PCDHGA1: variants seen among roughly 807,000 people sequenced by gnomAD.
PCDHGA1 encodes protocadherin gamma subfamily A, 1.
A neutral mutation model predicts 58.0 loss-of-function variants in PCDHGA1; 32 were observed. That is an observed-to-expected ratio of 0.55 (90% CI 0.42 to 0.74). PCDHGA1 has a LOEUF of 0.74. PCDHGA1 is among the 30% of genes least tolerant of loss of function. The pLI is 0.00. For missense variants in PCDHGA1, 1,205 were observed against 1,182.3 expected, an observed-to-expected ratio of 1.02 and a Z score of -0.28; for synonymous variants, 498 against 501.1, an observed-to-expected ratio of 0.99 and a Z score of 0.08.
chr5:141,415,968 C>T (rs1382830747), intron 1 of PCDHGA1: 2 of 390,600 alleles, frequency 5.1e-6, no homozygotes, highest in African/African-American at 2.1e-5. Context: ...ACTCCAGCCC[C>T]TTAAGCAACC....
At position 141,485,413 on chromosome 5, in the gene PCDHGA1, C is replaced by T; in HGVS notation, c.2422-9394C>T. ...AAAGACACTTCCGTGTGGATTTGGA[C>T]AGCGGAGCCCTGCTCATCAAGAACC... On this transcript the variant is annotated intron_variant, in intron 1 of 3. Transcript: ENST00000517417. The surrounding 1 kb of genome is among the most constrained non-coding windows in gnomAD (Gnocchi z 5.7). The T allele has an allele frequency of 6.2e-7, 1 of 1,614,158 alleles. No individual in the cohort carries two copies. The highest frequency in any genetic ancestry group is 8.5e-7 in the Non-Finnish European group (1 of 1,180,030).
chr5:141,500,367 C>A (rs953610460), intron 2 of PCDHGA1, among the ~76,000 whole-genome samples: 7 of 151,940 alleles, frequency 4.6e-5, no homozygotes, highest in African/African-American at 1.7e-4. Context: ...CACTACCACG[C>A]CCGGCTAATT....
At chr5:141,370,007 A>G (rs1350230524) in intron 1 of PCDHGA1, among the ~76,000 whole-genome samples, 1 of 152,272 alleles carries the variant, frequency 6.6e-6, no homozygotes, top group South Asian at 2.1e-4. Flanking sequence ...AAATTAAAAG[A>G]AATAACAGAC....
At chr5:141,484,311 C>T (rs1234690996) in intron 1 of PCDHGA1, among the ~76,000 whole-genome samples, 2 of 152,196 alleles carry the variant, frequency 1.3e-5, no homozygotes, top group African/African-American at 4.8e-5. Flanking sequence ...CTCCACCCCG[C>T]TTCCATACTG....
At chr5:141,410,177 A>G in intron 1 of PCDHGA1, 1 of 1,613,626 alleles carries the variant, frequency 6.2e-7, no homozygotes, top group Non-Finnish European at 8.5e-7. Context: ...TGCCACCGCC[A>G]CGCTTCATCT....
In PCDHGA1 at chr5:141,491,996, G is replaced by T; in HGVS notation, c.2422-2811G>T. ...TCCTTCGAGCTTCCGGTGAATTTCG[G>T]GCGATTTCCGCGGGTGTCGGGGGTC... is the stretch of plus-strand genomic sequence containing the variant. On this transcript the variant is annotated intron_variant, in intron 1 of 3. Coordinates refer to ENST00000517417, the MANE Select transcript of PCDHGA1 (RefSeq NM_018912.3). This position sits in a 1 kb window ranked among gnomAD's most constrained non-coding sequence, Gnocchi z 6.9. The T allele has an allele frequency of 2.9e-6, 2 of 686,328 alleles. No individual in the cohort carries two copies. Among genetic ancestry groups the T allele is most frequent in the Non-Finnish European group, 4.5e-6 (2 of 441,080 alleles). 42.5% of individuals were successfully genotyped at this position (686,328 alleles called of 1,614,324 possible). A position where few individuals can be genotyped will look rare whatever the true frequency, so the allele number is the denominator to read the frequency against.
chr5:141,490,890 G>C lies in PCDHGA1; in HGVS notation c.2422-3917G>C, dbSNP rs751713801. The C allele has an allele frequency of 9.9e-6, 16 of 1,613,306 alleles. No homozygotes were observed. The South Asian group carries it at 1.2e-4, about 12-fold the overall frequency. On this transcript the variant is annotated intron_variant, in intron 1 of 3. Transcript: ENST00000517417. This position sits in a 1 kb window ranked among gnomAD's most constrained non-coding sequence, Gnocchi z 5.4. ...CCCCATTGCATGCCAACACATCTCT[G>C]CATGTGTTTGTCCTAGACGAGAATG...
chr5:141,365,442 T>C, intron 1 of PCDHGA1: 1 of 1,614,014 alleles, frequency 6.2e-7, no homozygotes, highest in Non-Finnish European at 8.5e-7. Context: ...CTGTTTAGCG[T>C]ACATGATGGT....
intron 1 of PCDHGA1, chr5:141,409,623 T>G: frequency 6.2e-7 from 1 of 1,613,854 alleles, no homozygotes; most frequent in Non-Finnish European, 8.5e-7. Context: ...ATTGCGCAAG[T>G]GAGCGCCTCT....
chr5:141,345,583 T>A, intron 1 of PCDHGA1: 1 of 1,614,204 alleles, frequency 6.2e-7, no homozygotes, highest in Non-Finnish European at 8.5e-7. Flanking sequence ...CTATACGCGC[T>A]GAGATCCTTC....
At position 141,435,341 on chromosome 5, in the gene PCDHGA1, C is replaced by T. The variant is rs73794903; in HGVS notation, c.2422-59466C>T. 9.3e-3 allele frequency among the ~76,000 whole-genome samples: 1,412 copies of T among 152,206 alleles called. 25 individuals carry two copies. Among genetic ancestry groups the T allele is most frequent in the African/African-American group, 0.032 (1,313 of 41,532 alleles). On this transcript the variant is annotated intron_variant, in intron 1 of 3. Coordinates refer to ENST00000517417, the MANE Select transcript of PCDHGA1 (RefSeq NM_018912.3). ...ACTTCCAAATATAGTGAATTTATTT[C>T]TTCTGCATTTAAAATTTTATCACTT...
intron 1 of PCDHGA1, chr5:141,419,462 C>T: frequency 6.2e-7 from 1 of 1,612,582 alleles, no homozygotes. Flanking sequence ...GCTGCAGGCC[C>T]GCGACCAGGG....
At position 141,418,475 on chromosome 5, in the gene PCDHGA1, A is replaced by G; in HGVS notation, c.2422-76332A>G. On this transcript the variant is annotated intron_variant, in intron 1 of 3. Transcript: ENST00000517417. The stretch of plus-strand genomic sequence containing the variant: ...GAAGACTCTGGACCGAGAAACGCAG[A>G]GCGCTCACCACTTGGTACTGACCGC... 3 of 1,614,000 alleles carry G rather than the reference A, an allele frequency of 1.9e-6. No individual in the cohort carries two copies. Among genetic ancestry groups the G allele is most frequent in the Non-Finnish European group, 2.5e-6 (3 of 1,179,892 alleles).
chr5:141,402,108 A>T (rs2094226699), intron 1 of PCDHGA1, among the ~76,000 whole-genome samples: 1 of 152,218 alleles, frequency 6.6e-6, no homozygotes, highest in African/African-American at 2.4e-5. Context: ...CAATTACAAA[A>T]ATGTGAAAAT....
intron 1 of PCDHGA1, among the ~76,000 whole-genome samples, chr5:141,448,106 A>G (rs1308837314): frequency 1.3e-5 from 2 of 151,996 alleles, no homozygotes. Context: ...AAATTAAAAG[A>G]AAAGAAAATT....
chr5:141,405,354 T>G lies in PCDHGA1; in HGVS notation c.2421+72249T>G, dbSNP rs781757006. The G allele has an allele frequency of 3.7e-6, 6 of 1,614,112 alleles. No homozygotes were observed. In the East Asian group the frequency reaches 1.3e-4, roughly 36 times the overall value. On this transcript the variant is annotated intron_variant, in intron 1 of 3. Coordinates refer to ENST00000517417, the MANE Select transcript of PCDHGA1 (RefSeq NM_018912.3). The stretch of plus-strand genomic sequence containing the variant: ...GTCTCTGTTGATTCCAAGTTTCCTA[T>G]AGAAGACACCCCTTTGGTTCCGGTG...
Position 141,485,855 on chromosome 5 carries a change from C to A in PCDHGA1, c.2422-8952C>A. ...CCCGCCGAGATCTGGCACCGCAGAG[C>A]TCCGGGTATCCGTGCTGGACGTAAA... On this transcript the variant is annotated intron_variant, in intron 1 of 3. Transcript: ENST00000517417. The surrounding 1 kb of genome is among the most constrained non-coding windows in gnomAD (Gnocchi z 5.7). 6.2e-7 allele frequency: 1 copy of A among 1,614,196 alleles called. No homozygotes were observed. Among genetic ancestry groups the A allele is most frequent in the Non-Finnish European group, 8.5e-7 (1 of 1,180,036 alleles).
chr5:141,343,797 C>T, intron 1 of PCDHGA1: 1 of 449,814 alleles, frequency 2.2e-6, no homozygotes, highest in Non-Finnish European at 3.9e-6. Flanking sequence ...GTTGACCACT[C>T]AAGAAGGAGA....
rs1387858098 is a variant in PCDHGA1, at chr5:141,330,800, C to T, written c.116C>T (p.Thr39Ile). The T allele has an allele frequency of 4.3e-6, 7 of 1,614,078 alleles. No homozygotes were observed. Residue 39 changes from threonine to isoleucine, a missense_variant, in exon 1 of 4, where the codon ACA becomes ATA. Thr to Ile is a moderately conservative substitution (Grantham distance 89). Transcript: ENST00000517417. ...ATTCACTACTCAGTGCCGGAAGAGA[C>T]AGACAAAGGTTCCTTCGTAGGCAAC... is the stretch of plus-strand genomic sequence containing the variant. ...GNIHYSVPEE[T>I]DKGSFVGNIA...
Sources: gnomAD v4.1 joint callset for allele counts (sites outside exome capture counted in the v4.1 genomes callset) on GRCh38, gnomAD v4.1.1 for gene constraint, Gnocchi (gnomAD v3.1) non-coding constraint, MANE v1.5 for transcripts, NCBI Gene and HGNC (gene_info 2026-07-23, HGNC 2026-07-21) for gene names.